The following MYO5B variants were observed in gnomAD, a reference collection of about 807,000 sequenced individuals.
MYO5B encodes unconventional myosin-Vb.
In MYO5B, 143 loss-of-function variants were observed where a neutral mutation model predicts 229.3. That is an observed-to-expected ratio of 0.62 (90% CI 0.54 to 0.72). The LOEUF is 0.72. Ranked by LOEUF, MYO5B falls within the 30% of genes least tolerant of loss-of-function variation. The pLI is 0.00. For synonymous variants in MYO5B, 918 were observed against 885.2 expected, an observed-to-expected ratio of 1.04 and a Z score of -0.66; for missense variants, 2,321 against 2,331.0, an observed-to-expected ratio of 1.00 and a Z score of 0.09.
chr18:49,990,044 A>G (rs753963176), intron 7 of MYO5B, among the ~76,000 whole-genome samples: 2 of 152,172 alleles, frequency 1.3e-5, no homozygotes, highest in Non-Finnish European at 2.9e-5. Context: ...CCTCAATCCT[A>G]AACTATGAGT....
chr18:49,866,594 C>T (rs376528565), intron 27 of MYO5B, among the ~76,000 whole-genome samples: 7 of 152,298 alleles, frequency 4.6e-5, no homozygotes, highest in South Asian at 2.1e-4. Context: ...TGGAAACAGA[C>T]GAATTTGTGT....
At chr18:49,887,810 AGCTGCGATTACAG>A (rs2024661445) in intron 22 of MYO5B, among the ~76,000 whole-genome samples, 1 of 151,692 alleles carries the variant, frequency 6.6e-6, no homozygotes, top group Non-Finnish European at 1.5e-5. Context: ...CCTCCTGAGT[AGCTGCGATTACAG>A]GCATGCACCA....
At chr18:50,081,676 G>C (rs1222180136) in intron 1 of MYO5B, among the ~76,000 whole-genome samples, 1 of 152,056 alleles carries the variant, frequency 6.6e-6, no homozygotes, top group African/African-American at 2.4e-5. Flanking sequence ...GGGGACAAAA[G>C]TATTATTTCT....
At chr18:50,115,545 GAGACACACACACACAC>G (rs1469985752) in intron 1 of MYO5B, among the ~76,000 whole-genome samples, 2 of 106,152 alleles carry the variant, frequency 1.9e-5, no homozygotes, top group Admixed American at 1.1e-4. Flanking sequence ...CACACACAGA[GAGACACACACACACAC>G]ACACACACAC....
chr18:50,079,613 G>T (rs1390598114), intron 1 of MYO5B, among the ~76,000 whole-genome samples: 1 of 152,190 alleles, frequency 6.6e-6, no homozygotes, highest in Non-Finnish European at 1.5e-5. Flanking sequence ...GAATATGAAT[G>T]GATGACTATG....
At chr18:49,898,514 A>G (rs2024806001) in intron 21 of MYO5B, among the ~76,000 whole-genome samples, 1 of 152,164 alleles carries the variant, frequency 6.6e-6, no homozygotes, top group Non-Finnish European at 1.5e-5. Flanking sequence ...GTTTTACTGA[A>G]TGACGTCATA....
intron 9 of MYO5B, among the ~76,000 whole-genome samples, chr18:49,975,862 T>C (rs1465576060): frequency 1.3e-5 from 2 of 152,176 alleles, no homozygotes; most frequent in Non-Finnish European, 2.9e-5. Context: ...CTACTGACTA[T>C]GTGTGAGTCT....
At chr18:49,854,261 T>TCCTCCA (rs2024234740) in intron 30 of MYO5B, among the ~76,000 whole-genome samples, 1 of 152,198 alleles carries the variant, frequency 6.6e-6, no homozygotes, top group Non-Finnish European at 1.5e-5. Context: ...TAAGACTATT[T>TCCTCCA]GCAAATGATC....
chr18:49,983,739 T>C (rs1021112228), intron 8 of MYO5B, among the ~76,000 whole-genome samples: 2 of 152,224 alleles, frequency 1.3e-5, no homozygotes, highest in African/African-American at 4.8e-5. Context: ...TCCTGACTGA[T>C]AGATAGGGTT....
intron 4 of MYO5B, among the ~76,000 whole-genome samples, chr18:50,028,434 G>A (rs1318725800): frequency 6.6e-6 from 1 of 152,174 alleles, no homozygotes; most frequent in African/African-American, 2.4e-5. Context: ...TGACATCTCA[G>A]GGTGGCCAGA....
At chr18:49,875,042 A>G (rs1403233935) in intron 26 of MYO5B, among the ~76,000 whole-genome samples, 1 of 152,070 alleles carries the variant, frequency 6.6e-6, no homozygotes, top group African/African-American at 2.4e-5. Context: ...TTTCTCTTAT[A>G]TTGTTATCTG....
chr18:49,974,671 C>A (rs527371088), intron 9 of MYO5B, 56 bp from the exon 10 acceptor site: 23 of 1,579,948 alleles, frequency 1.5e-5, no homozygotes, highest in East Asian at 9.0e-5. Flanking sequence ...AGCCGCCCCC[C>A]ACCAATGTCT....
intron 33 of MYO5B, among the ~76,000 whole-genome samples, chr18:49,845,512 TACC>T (rs1467105939): frequency 1.3e-5 from 2 of 152,228 alleles, no homozygotes; most frequent in Non-Finnish European, 2.9e-5. Flanking sequence ...CTGCAAAAGC[TACC>T]ACTCCTTTGA....
chr18:49,979,202 C>A (rs144923829), intron 9 of MYO5B, among the ~76,000 whole-genome samples: 9 of 152,190 alleles, frequency 5.9e-5, no homozygotes, highest in Admixed American at 2.0e-4. Context: ...TGCCCTCCTT[C>A]CCCCTAAGGT....
At chr18:49,936,553 A>C (rs2025252444) in intron 15 of MYO5B, among the ~76,000 whole-genome samples, 1 of 152,134 alleles carries the variant, frequency 6.6e-6, no homozygotes, top group African/African-American at 2.4e-5. Context: ...CTTCCTATTT[A>C]AGGGTTCCTT....
intron 22 of MYO5B, among the ~76,000 whole-genome samples, chr18:49,882,626 C>CA (rs10683323): frequency 0.078 from 7,362 of 93,812 alleles, 641 homozygotes; most frequent in African/African-American, 0.2. Context: ...GAAATCATCT[C>CA]AAAAAAAAAA....
At chr18:50,108,257 C>A (rs2144512744) in intron 1 of MYO5B, among the ~76,000 whole-genome samples, 1 of 152,282 alleles carries the variant, frequency 6.6e-6, no homozygotes, top group South Asian at 2.1e-4. Flanking sequence ...ATAATTTAAC[C>A]ACCTATGTAA....
chr18:50,009,906 C>T (rs950728775), intron 4 of MYO5B, among the ~76,000 whole-genome samples: 1 of 152,150 alleles, frequency 6.6e-6, no homozygotes, highest in Non-Finnish European at 1.5e-5. Context: ...GGCCCAAGGA[C>T]TGAGCAGGTC....
chr18:50,101,349 G>T (rs2031651091), intron 1 of MYO5B, among the ~76,000 whole-genome samples: 2 of 152,166 alleles, frequency 1.3e-5, no homozygotes, highest in Admixed American at 6.5e-5. Context: ...GCACCAGCCA[G>T]GTATCCCTGA....
Sources: gnomAD v4.1 joint callset for allele counts (sites outside exome capture counted in the v4.1 genomes callset) on GRCh38, gnomAD v4.1.1 for gene constraint, MANE v1.5 for transcripts, NCBI Gene and HGNC (gene_info 2026-07-23, HGNC 2026-07-21) for gene names.